The following LRP2 variants were observed in gnomAD, a reference collection of about 807,000 sequenced individuals.
The protein encoded by LRP2 is low-density lipoprotein receptor-related protein 2.
In LRP2, 172 loss-of-function variants were observed where a neutral mutation model predicts 531.0. That is an observed-to-expected ratio of 0.32 (90% CI 0.29 to 0.37). The LOEUF is 0.37. LRP2 is among the 10% of genes least tolerant of loss of function. The pLI, the probability that LRP2 is intolerant of heterozygous loss-of-function variation, is 1.00. For missense variants in LRP2, 5,167 were observed against 5,868.3 expected (o/e 0.88, Z 3.90); for synonymous variants, 1,992 against 2,027.6 (o/e 0.98, Z 0.47).
chr2:169,334,624 T>C (rs1685355098), intron 1 of LRP2, among the ~76,000 whole-genome samples: 2 of 152,196 alleles, frequency 1.3e-5, no homozygotes, highest in South Asian at 4.1e-4. Flanking sequence ...GGCTTTCAAC[T>C]CTGGCAAAGC....
chr2:169,156,237 C>G, intron 65 of LRP2, 37 bp downstream of exon 65: 1 of 1,612,848 alleles, frequency 6.2e-7, no homozygotes, highest in Non-Finnish European at 8.5e-7. Flanking sequence ...ATTTATTTCC[C>G]CAAAAGTCAA....
chr2:169,220,410 G>A, intron 34 of LRP2, 44 bp downstream of exon 34: 1 of 1,398,992 alleles, frequency 7.1e-7, no homozygotes, highest in Non-Finnish European at 1.0e-6. Context: ...ACATTAACAA[G>A]AACAATGCTG....
Position 169,146,090 on chromosome 2 carries a change from T to C in LRP2, c.12812-167A>G, listed in dbSNP as rs116257026. On this transcript the variant is annotated intron_variant, in intron 69 of 78. Transcript: ENST00000649046. Reference sequence around the variant, plus strand: ...GGCTGACTTTAGCTACATGGGACTGTGAAAGTGTGCTGCATTAGGAGGTCA... The same window carrying C: ...GGCTGACTTTAGCTACATGGGACTGCGAAAGTGTGCTGCATTAGGAGGTCA... 2.6e-3 allele frequency among the ~76,000 whole-genome samples: 403 copies of C among 152,280 alleles called. 2 individuals are homozygous for C. Among genetic ancestry groups the C allele is most frequent in the African/African-American group, 8.9e-3 (369 of 41,546 alleles).
chr2:169,205,668 T>C, intron 40 of LRP2, 31 bp from the exon 41 acceptor site: 1 of 1,601,886 alleles, frequency 6.2e-7, no homozygotes, highest in Non-Finnish European at 8.5e-7. Flanking sequence ...AATAATTAAT[T>C]CACAGGGAAC....
chr2:169,146,329 A>G (rs1380721490), intron 69 of LRP2, among the ~76,000 whole-genome samples: 1 of 152,208 alleles, frequency 6.6e-6, no homozygotes, highest in Non-Finnish European at 1.5e-5. Flanking sequence ...TCTGAACAAC[A>G]ACAACAAAAA....
intron 16 of LRP2, among the ~76,000 whole-genome samples, 197 bp from the exon 17 acceptor site, chr2:169,259,414 C>T (rs533648512): frequency 6.6e-6 from 1 of 150,698 alleles, no homozygotes; most frequent in South Asian, 2.1e-4. Flanking sequence ...AGAATCTATC[C>T]ATTCCTCAAA....
At position 169,172,083 on chromosome 2, in the gene LRP2, C is replaced by T. The variant is rs1217662405; in HGVS notation, c.11195G>A (p.Cys3732Tyr). The T allele has an allele frequency of 6.2e-7, 1 of 1,614,206 alleles. No homozygotes were observed. The highest frequency in any genetic ancestry group is 8.5e-7 in the Non-Finnish European group (1 of 1,180,018). The change falls in exon 58 of 79, where the codon TGC becomes TAC. Residue 3732 changes from cysteine to tyrosine, a missense_variant. By Grantham distance (194) the Cys-to-Tyr change is radical. This residue lies in a region of LRP2 where 311 missense variants were observed against 309.4 expected (regional missense o/e 1.01). Coordinates refer to ENST00000649046, the MANE Select transcript of LRP2 (RefSeq NM_004525.3). The part of the protein sequence containing the change: ...VGDFRCKNHH[C>Y]IPLRWQCDGQ... The stretch of plus-strand genomic sequence containing the variant: ...ATCACACTGCCAACGAAGAGGGATG[C>T]AGTGGTGATTTTTACAGCGGAAATC...
At chr2:169,134,578 A>C (rs921278768) in intron 76 of LRP2, among the ~76,000 whole-genome samples, 1 of 152,182 alleles carries the variant, frequency 6.6e-6, no homozygotes. Context: ...AAGGCAGGCT[A>C]TGCTATAGTA....
intron 4 of LRP2, among the ~76,000 whole-genome samples, chr2:169,304,298 T>C (rs561055907): frequency 2.0e-5 from 3 of 152,276 alleles, no homozygotes; most frequent in African/African-American, 7.2e-5. Flanking sequence ...AAGCCCTCCA[T>C]GAAGAGCAAT....
rs1689217394 is a variant in LRP2 at position 169,226,816 on chromosome 2, T to C, written c.5228-228A>G. Among the ~76,000 whole-genome samples the C allele has an allele frequency of 1.3e-5, 2 of 152,180 alleles. 1 individual carries two copies. Among genetic ancestry groups the C allele is most frequent in the Admixed American group, 1.3e-4 (2 of 15,274 alleles). Reference sequence around the variant, plus strand: ...CCACATACAACGCTGTCTGGACTTTTTCAAGGCAGGTTGGTATTTATCTTA... The same window carrying C: ...CCACATACAACGCTGTCTGGACTTTCTCAAGGCAGGTTGGTATTTATCTTA... On this transcript the variant is annotated intron_variant, in intron 31 of 78. Coordinates refer to ENST00000649046, the MANE Select transcript of LRP2 (RefSeq NM_004525.3).
chr2:169,161,270 A>T (rs1686578037), intron 63 of LRP2, among the ~76,000 whole-genome samples: 1 of 152,220 alleles, frequency 6.6e-6, no homozygotes, highest in African/African-American at 2.4e-5. Context: ...CAATAACAGC[A>T]ACTCAATGGG....
chr2:169,195,092 A>T (rs766941082), intron 46 of LRP2, among the ~76,000 whole-genome samples: 10 of 152,164 alleles, frequency 6.6e-5, no homozygotes, highest in Non-Finnish European at 1.5e-4. Context: ...ATCTTTCCAC[A>T]TGTGCACAAA....
chr2:169,359,779 T>C (rs1211223525), intron 1 of LRP2, among the ~76,000 whole-genome samples: 3 of 152,048 alleles, frequency 2.0e-5, no homozygotes, highest in Non-Finnish European at 4.4e-5. Flanking sequence ...TTTGGGAACC[T>C]CAAACATGGA....
intron 56 of LRP2, 79 bp downstream of exon 56, chr2:169,173,840 T>C: frequency 1.9e-6 from 3 of 1,592,384 alleles, no homozygotes; most frequent in Non-Finnish European, 2.6e-6. Flanking sequence ...GAAAGCTCCA[T>C]GTCCTCTCTC....
chr2:169,262,512 A>G lies in LRP2; in HGVS notation c.2321-3295T>C, dbSNP rs1291262556. ...CATTCACAATTGCTTCAAAGAGAAT[A>G]AAATACCTAGGAATCCAACTTACAA... On this transcript the variant is annotated intron_variant, in intron 16 of 78. Transcript: ENST00000649046. 2.7e-5 allele frequency among the ~76,000 whole-genome samples: 4 copies of G among 147,266 alleles called. No individual in the cohort carries two copies. In the Admixed American group the frequency reaches 2.7e-4, roughly 10 times the overall value.
At chr2:169,197,886 T>C in intron 45 of LRP2, among the ~76,000 whole-genome samples, 1 of 152,202 alleles carries the variant, frequency 6.6e-6, no homozygotes, top group East Asian at 1.9e-4. Flanking sequence ...CCCTTTGATT[T>C]CCTTGGGAGG....
At chr2:169,182,529 A>T in intron 50 of LRP2, 1 of 1,430,914 alleles carries the variant, frequency 7.0e-7, no homozygotes, top group Non-Finnish European at 9.2e-7. Flanking sequence ...AATAATTCCC[A>T]CTTTAAGGTG....
At chr2:169,302,636 G>A (rs1425175011) in intron 4 of LRP2, among the ~76,000 whole-genome samples, 1 of 152,102 alleles carries the variant, frequency 6.6e-6, no homozygotes, top group African/African-American at 2.4e-5. Context: ...TCCAGGTCTA[G>A]CTACTAATTG....
At chr2:169,325,647 C>T (rs1685028358) in intron 1 of LRP2, among the ~76,000 whole-genome samples, 1 of 152,176 alleles carries the variant, frequency 6.6e-6, no homozygotes, top group Admixed American at 6.5e-5. Flanking sequence ...TCTACCCTGT[C>T]TAGTGTCAAA....
Sources: allele counts gnomAD v4.1 joint callset (sites outside exome capture counted in the v4.1 genomes callset), GRCh38; gene constraint gnomAD v4.1.1; regional missense constraint gnomAD v4.1.1; transcripts MANE v1.5; gene names NCBI Gene and HGNC (gene_info 2026-07-23, HGNC 2026-07-21).